Variants in RPS27L observed in about 807,000 individuals in gnomAD.
RPS27L encodes ribosomal protein S27 like, also known as ribosomal protein eS27-like.
RPS27L carries 10 observed loss-of-function variants against 12.8 expected under a neutral mutation model. The ratio of observed to expected loss-of-function variants is 0.78; its 90% CI spans 0.48 to 1.33. The LOEUF is 1.33. Among genes scored for constraint, RPS27L ranks in the 40% most tolerant of loss-of-function variants. The pLI is 0.00. For missense variants in RPS27L, 81 were observed against 97.4 expected, an observed-to-expected ratio of 0.83 and a Z score of 0.71; for synonymous variants, 26 against 32.3, an observed-to-expected ratio of 0.81 and a Z score of 0.66.
intron 2 of RPS27L, 92 bp from the exon 3 acceptor site, chr15:63,155,823 C>T (rs933499578): frequency 5.8e-5 from 40 of 694,238 alleles, no homozygotes; most frequent in Middle Eastern, 4.4e-4. Flanking sequence ...AAATCAGTAA[C>T]TTCAGTGCTA....
chr15:63,155,296 AAATAATAAAT>A (rs997212090), intron 3 of RPS27L: 1 of 220,886 alleles, frequency 4.5e-6, no homozygotes, highest in African/African-American at 2.3e-5. Context: ...TAAAAAAAAA[AAATAATAAAT>A]AAATAAATAA....
At position 63,153,292 on chromosome 15, in the gene RPS27L, T is replaced by C. The variant is rs967003101; in HGVS notation, c.*740A>G. On this transcript the variant is annotated 3_prime_UTR_variant, in exon 4 of 4. Transcript: ENST00000330964. ...GCAGTTACTGTCCTAAATTATATAGTAGTATAGCAAGGCCACATAAATCCA... is the reference window on the plus strand; with the variant it reads ...GCAGTTACTGTCCTAAATTATATAGCAGTATAGCAAGGCCACATAAATCCA... 2.6e-5 allele frequency: 4 copies of C among 152,164 alleles called. No individual in the cohort carries two copies. Among genetic ancestry groups the C allele is most frequent in the Non-Finnish European group, 5.9e-5 (4 of 68,036 alleles). 9.4% of individuals were successfully genotyped at this position (152,164 alleles called of 1,614,324 possible).
chr15:63,152,316 G>C lies in RPS27L; in HGVS notation c.*1716C>G, dbSNP rs952519694. 2.6e-5 allele frequency: 4 copies of C among 151,998 alleles called. No homozygotes were observed. Among genetic ancestry groups the C allele is most frequent in the Non-Finnish European group, 5.9e-5 (4 of 67,990 alleles). 9.4% of individuals were successfully genotyped at this position (151,998 alleles called of 1,614,324 possible). On this transcript the variant is annotated 3_prime_UTR_variant, in exon 4 of 4. Transcript: ENST00000330964. Reference sequence around the variant, plus strand: ...TCACTTTTGCTCTTGTGTGTGTATAGTTTTTTTCAAATGGCTACTAGAGTT... The same window carrying C: ...TCACTTTTGCTCTTGTGTGTGTATACTTTTTTTCAAATGGCTACTAGAGTT...
At chr15:63,156,627 G>T in intron 1 of RPS27L, 106 bp from the exon 2 acceptor site, 1 of 738,888 alleles carries the variant, frequency 1.4e-6, no homozygotes, top group Non-Finnish European at 2.4e-6. Flanking sequence ...GTCATCCTCG[G>T]CAGAAGCAAC....
chr15:63,156,647 A>G (rs2037334558), intron 1 of RPS27L, 126 bp from the exon 2 acceptor site: 3 of 688,758 alleles, frequency 4.4e-6, no homozygotes, highest in Non-Finnish European at 5.1e-6. Context: ...CACGTCAGAT[A>G]GTAAAGTTAT....
chr15:63,154,326 A>G (rs887160372), intron 3 of RPS27L: 32 of 394,350 alleles, frequency 8.1e-5, no homozygotes, highest in Non-Finnish European at 1.2e-4. Flanking sequence ...TGAATTCAAC[A>G]GTGAAGACTG....
rs1261495386 is a variant in RPS27L, at chr15:63,152,726, C to T, written c.*1306G>A. On this transcript the variant is annotated 3_prime_UTR_variant, in exon 4 of 4. Transcript: ENST00000330964. ...GTCAGGCTGGTCTTGAACTCCCGAC[C>T]TCAGGTGATCCACCTGCCTCAGGCT... The T allele has an allele frequency of 6.6e-6, 1 of 152,134 alleles. No homozygotes were observed. Among genetic ancestry groups the T allele is most frequent in the Non-Finnish European group, 1.5e-5 (1 of 68,092 alleles). The allele number at this position is 152,134 out of a possible 1,614,324, so 9.4% of individuals were successfully genotyped here.
In RPS27L at chr15:63,156,405, A is replaced by G. The variant is rs1483331277; in HGVS notation, c.115+8T>C. 40 of 1,500,928 alleles carry G rather than the reference A, an allele frequency of 2.7e-5. No individual in the cohort carries two copies. The highest frequency in any genetic ancestry group is 3.6e-5 in the Non-Finnish European group (39 of 1,097,532). The allele number at this position is 1,500,928 out of a possible 1,614,324, so 93.0% of individuals were successfully genotyped here. ...CTTTAGTAAAGGAATTAAGATTTCA[A>G]ATTTTACCTGGACATTTTACATCCA... On this transcript the variant is annotated splice_region_variant and intron_variant, in intron 2 of 3. Coordinates refer to ENST00000330964, the MANE Select transcript of RPS27L (RefSeq NM_015920.4).
At position 63,157,415 on chromosome 15, in the gene RPS27L, C is replaced by T. The variant is rs747615004; in HGVS notation, c.-10G>A. On this transcript the variant is annotated 5_prime_UTR_variant, in exon 1 of 4. Coordinates refer to ENST00000330964, the MANE Select transcript of RPS27L (RefSeq NM_015920.4). ...AACAACTCACAGGCATGTTGATCCT[C>T]TTGCAAGCTCAGCCCTACCAGACCT... 6.2e-7 allele frequency: 1 copy of T among 1,614,172 alleles called. No homozygotes were observed. The highest frequency in any genetic ancestry group is 1.1e-5 in the South Asian group (1 of 91,086).
intron 3 of RPS27L, 30 bp downstream of exon 3, chr15:63,155,591 C>T: frequency 1.5e-6 from 2 of 1,367,480 alleles, no homozygotes; most frequent in Non-Finnish European, 2.0e-6. Context: ...TCAATCTCAT[C>T]ACTGGGTTGG....
chr15:63,152,439 A>G lies in RPS27L; in HGVS notation c.*1593T>C, dbSNP rs1319716006. The stretch of plus-strand genomic sequence containing the variant: ...TGAGATTCTAATGATGTCAGAAACT[A>G]AAAGTCTGAGAATCTCTGGGTCATC... On this transcript the variant is annotated 3_prime_UTR_variant, in exon 4 of 4. Transcript: ENST00000330964. 6.6e-6 allele frequency: 1 copy of G among 151,730 alleles called. No homozygotes were observed. Among genetic ancestry groups the G allele is most frequent in the East Asian group, 1.9e-4 (1 of 5,204 alleles). The allele number at this position is 151,730 out of a possible 1,614,324, so 9.4% of individuals were successfully genotyped here.
chr15:63,156,852 C>T, intron 1 of RPS27L: 1 of 502,696 alleles, frequency 2.0e-6, no homozygotes, highest in East Asian at 3.8e-5. Context: ...AAAGTGACCC[C>T]GACTGTGGAC....
rs1478530496 is a variant in RPS27L, at chr15:63,148,965, T to A, written c.*5067A>T. ...GCTCCGCCTCCCAGGTTCAAGCAAT[T>A]CTCCTGCCTCAGCCTCCCGAGTAGC... On this transcript the variant is annotated 3_prime_UTR_variant, in exon 4 of 4. Coordinates refer to ENST00000330964, the MANE Select transcript of RPS27L (RefSeq NM_015920.4). 1 of 151,080 alleles carries A rather than the reference T, an allele frequency of 6.6e-6. No individual in the cohort carries two copies. The highest frequency in any genetic ancestry group is 2.0e-4 in the East Asian group (1 of 5,068). 9.4% of individuals were successfully genotyped at this position (151,080 alleles called of 1,614,324 possible).
chr15:63,156,396 A>T lies in RPS27L; in HGVS notation c.115+17T>A. Reference sequence around the variant, plus strand: ...AGAAATTTTCTTTAGTAAAGGAATTAAGATTTCAAATTTTACCTGGACATT... The same window carrying T: ...AGAAATTTTCTTTAGTAAAGGAATTTAGATTTCAAATTTTACCTGGACATT... On this transcript the variant is annotated intron_variant, in intron 2 of 3. Transcript: ENST00000330964. 1 of 1,413,322 alleles carries T rather than the reference A, an allele frequency of 7.1e-7. No homozygotes were observed. Among genetic ancestry groups the T allele is most frequent in the Non-Finnish European group, 9.8e-7 (1 of 1,017,896 alleles). The allele number at this position is 1,413,322 out of a possible 1,614,324, so 87.5% of individuals were successfully genotyped here. A position where few individuals can be genotyped will look rare whatever the true frequency, so the allele number is the denominator to read the frequency against.
At position 63,153,028 on chromosome 15, in the gene RPS27L, C is replaced by T. The variant is rs2037310467; in HGVS notation, c.*1004G>A. ...AGGAGTTGTATAGTGAGTGGATACA[C>T]TCCCCGTCTCAGCTCCCCAGGATTA... On this transcript the variant is annotated 3_prime_UTR_variant, in exon 4 of 4. Transcript: ENST00000330964. 2 of 152,326 alleles carry T rather than the reference C, an allele frequency of 1.3e-5. No homozygotes were observed. Among genetic ancestry groups the T allele is most frequent in the South Asian group, 4.1e-4 (2 of 4,828 alleles). 9.4% of individuals were successfully genotyped at this position (152,326 alleles called of 1,614,324 possible).
In RPS27L at chr15:63,148,294, A is replaced by C. The variant is rs2037277355; in HGVS notation, c.*5738T>G. ...TTTTATTGATGCAGTCTTCAGTTTA[A>C]AAGTTTGTCACATAAAAATGAATAA... is the stretch of plus-strand genomic sequence containing the variant. On this transcript the variant is annotated 3_prime_UTR_variant, in exon 4 of 4. Transcript: ENST00000330964. 1.3e-5 allele frequency: 2 copies of C among 152,132 alleles called. No individual in the cohort carries two copies. The highest frequency in any genetic ancestry group is 4.8e-5 in the African/African-American group (2 of 41,450). The allele number at this position is 152,132 out of a possible 1,614,324, so 9.4% of individuals were successfully genotyped here. A position where few individuals can be genotyped will look rare whatever the true frequency, so the allele number is the denominator to read the frequency against.
intron 2 of RPS27L, among the ~76,000 whole-genome samples, chr15:63,155,958 TAATC>T (rs2037329610): frequency 6.6e-6 from 1 of 152,210 alleles, no homozygotes. Context: ...TTTCAACATG[TAATC>T]AATGTATTTT....
intron 3 of RPS27L, chr15:63,155,324 T>A: frequency 2.8e-6 from 1 of 353,518 alleles, no homozygotes; most frequent in Non-Finnish European, 5.0e-6. Flanking sequence ...TAAATAAATC[T>A]GCATGTCCTA....
At position 63,151,339 on chromosome 15, in the gene RPS27L, T is replaced by G. The variant is rs2037298051; in HGVS notation, c.*2693A>C. 1 of 152,166 alleles carries G rather than the reference T, an allele frequency of 6.6e-6. No homozygotes were observed. Among genetic ancestry groups the G allele is most frequent in the Non-Finnish European group, 1.5e-5 (1 of 68,068 alleles). The allele number at this position is 152,166 out of a possible 1,614,324, so 9.4% of individuals were successfully genotyped here. A position where few individuals can be genotyped will look rare whatever the true frequency, so the allele number is the denominator to read the frequency against. ...ACCTCTGCCTCCTGGTTTCAAGCAA[T>G]TCTTGTGCCTCAGCCTCCCAAGTAG... On this transcript the variant is annotated 3_prime_UTR_variant, in exon 4 of 4. Transcript: ENST00000330964.
Sources: gnomAD v4.1 joint callset for allele counts (sites outside exome capture counted in the v4.1 genomes callset) on GRCh38, gnomAD v4.1.1 for gene constraint, MANE v1.5 for transcripts, NCBI Gene and HGNC (gene_info 2026-07-23, HGNC 2026-07-21) for gene names.